RPRD1B: variants seen among roughly 807,000 people sequenced by gnomAD.
RPRD1B encodes the protein regulation of nuclear pre-mRNA domain-containing protein 1B.
In RPRD1B, 11 loss-of-function variants were observed where a neutral mutation model predicts 41.5. The observed-to-expected ratio is 0.27, with a 90% CI of 0.17 to 0.44. The LOEUF is 0.44. Ranked by LOEUF, RPRD1B falls within the 20% of genes least tolerant of loss-of-function variation. The probability of loss-of-function intolerance (pLI) is 1.00; values close to 1 mark genes in which losing one functional copy is unlikely to be tolerated. For synonymous variants in RPRD1B, 158 were observed against 155.6 expected (o/e 1.02, Z -0.12); for missense variants, 248 against 389.9 (o/e 0.64, Z 3.06).
chr20:38,080,344 A>T (rs1053507677), intron 6 of RPRD1B, among the ~76,000 whole-genome samples: 1 of 152,214 alleles, frequency 6.6e-6, no homozygotes, highest in African/African-American at 2.4e-5. Context: ...GTTTTACATT[A>T]AGTCTTGATC....
At chr20:38,052,538 T>G (rs1420631631) in intron 3 of RPRD1B, among the ~76,000 whole-genome samples, 3 of 152,166 alleles carry the variant, frequency 2.0e-5, no homozygotes, top group Non-Finnish European at 2.9e-5. Context: ...TCCTTTATTA[T>G]GCAGGGATGG....
Position 38,066,093 on chromosome 20 carries a change from C to G in RPRD1B, c.668C>G (p.Ala223Gly), listed in dbSNP as rs1383674673. Residue 223 changes from alanine to glycine, a missense_variant, in exon 6 of 7, where the codon GCT becomes GGT. Around this residue, in one of 5 missense-constraint regions of RPRD1B, gnomAD observed 93 missense variants for 167.2 expected, o/e 0.56. Coordinates refer to ENST00000373433, the MANE Select transcript of RPRD1B (RefSeq NM_021215.4). Reference sequence around the variant, plus strand: ...CATTTGTACTTAGACAAAGAGGCAGCTGAACGTCTTTCAAAAACAGTAGAT... The same window carrying G: ...CATTTGTACTTAGACAAAGAGGCAGGTGAACGTCTTTCAAAAACAGTAGAT... ...LLEKITDKEAAERLSKTVDEA... is the reference protein window; with the variant it reads ...LLEKITDKEAGERLSKTVDEA... 2 of 1,613,988 alleles carry G rather than the reference C, an allele frequency of 1.2e-6. No individual in the cohort carries two copies. The highest frequency in any genetic ancestry group is 1.7e-5 in the Admixed American group (1 of 59,996).
intron 3 of RPRD1B, among the ~76,000 whole-genome samples, chr20:38,051,491 A>G (rs956261647): frequency 3.3e-5 from 5 of 152,298 alleles, no homozygotes; most frequent in Non-Finnish European, 7.4e-5. Context: ...TACTCTGTGA[A>G]TTTGGTATTA....
intron 6 of RPRD1B, among the ~76,000 whole-genome samples, chr20:38,086,141 G>T (rs2074559027): frequency 6.6e-6 from 1 of 152,082 alleles, no homozygotes; most frequent in Admixed American, 6.5e-5. Flanking sequence ...TTCTTCTGTT[G>T]GTCCATGGCA....
At chr20:38,073,826 G>A (rs1309239200) in intron 6 of RPRD1B, among the ~76,000 whole-genome samples, 2 of 152,206 alleles carry the variant, frequency 1.3e-5, no homozygotes, top group African/African-American at 4.8e-5. Context: ...GAGGAAGCCA[G>A]TGAGGACCAG....
At chr20:38,080,588 C>T (rs1402664295) in intron 6 of RPRD1B, among the ~76,000 whole-genome samples, 3 of 152,166 alleles carry the variant, frequency 2.0e-5, no homozygotes, top group Non-Finnish European at 4.4e-5. Flanking sequence ...TGCAGTGGCA[C>T]GATCTCGGCT....
chr20:38,035,345 G>A, intron 1 of RPRD1B, among the ~76,000 whole-genome samples: 1 of 152,218 alleles, frequency 6.6e-6, no homozygotes, highest in East Asian at 1.9e-4. Flanking sequence ...TAGCGAAGTG[G>A]CTTTACAAGT....
intron 5 of RPRD1B, among the ~76,000 whole-genome samples, chr20:38,062,950 C>G (rs2074314875): frequency 6.6e-6 from 1 of 150,990 alleles, no homozygotes; most frequent in African/African-American, 2.4e-5. Flanking sequence ...TCCTCCCATC[C>G]TGGCCTCCCA....
intron 6 of RPRD1B, among the ~76,000 whole-genome samples, chr20:38,071,225 C>T (rs561826358): frequency 2.4e-4 from 37 of 152,342 alleles, no homozygotes; most frequent in Non-Finnish European, 4.4e-4. Flanking sequence ...ATTCATATAA[C>T]GTAAATTAAC....
At chr20:38,041,408 G>A (rs2074064783) in intron 2 of RPRD1B, among the ~76,000 whole-genome samples, 1 of 152,176 alleles carries the variant, frequency 6.6e-6, no homozygotes, top group South Asian at 2.1e-4. Context: ...TTCATTGCAG[G>A]ATTTGAAAAG....
At chr20:38,052,302 T>C (rs893617018) in intron 3 of RPRD1B, among the ~76,000 whole-genome samples, 1 of 152,212 alleles carries the variant, frequency 6.6e-6, no homozygotes, top group Non-Finnish European at 1.5e-5. Context: ...GAAGAGGTTT[T>C]TAATATTTTC....
rs746996790 is a variant in RPRD1B at position 38,066,064 on chromosome 20, G to A, written c.656-17G>A. 8.1e-6 allele frequency: 13 copies of A among 1,605,194 alleles called. No homozygotes were observed. In the Admixed American group the frequency reaches 1.5e-4, roughly 19 times the overall value. ...ATTTGTATATTTTCTCTATTTTTTG[G>A]TCTCATTTGTACTTAGACAAAGAGG... is the stretch of plus-strand genomic sequence containing the variant. On this transcript the variant is annotated splice_polypyrimidine_tract_variant and intron_variant, in intron 5 of 6. Transcript: ENST00000373433.
intron 2 of RPRD1B, among the ~76,000 whole-genome samples, chr20:38,044,740 T>C (rs2074104465): frequency 6.6e-6 from 1 of 152,114 alleles, no homozygotes; most frequent in Non-Finnish European, 1.5e-5. Flanking sequence ...CCCTTACCAG[T>C]TAGGAAATGG....
chr20:38,049,724 A>G (rs746503258), intron 3 of RPRD1B: 7 of 470,980 alleles, frequency 1.5e-5, no homozygotes, highest in Non-Finnish European at 2.6e-5. Flanking sequence ...GCTTCTGGTT[A>G]GTTGTGGTTT....
At chr20:38,070,163 A>G (rs141574169) in intron 6 of RPRD1B, 134 of 982,134 alleles carry the variant, frequency 1.4e-4, no homozygotes, top group Middle Eastern at 5.3e-4. Flanking sequence ...TTTAAGTAGA[A>G]TTATGCTTTA....
chr20:38,056,607 GTAAT>G (rs746193595), intron 3 of RPRD1B, among the ~76,000 whole-genome samples: 1 of 152,184 alleles, frequency 6.6e-6, no homozygotes, highest in Non-Finnish European at 1.5e-5. Context: ...GTGGTGCTAA[GTAAT>G]TTGAGTGCAG....
rs2074614044 is a variant in RPRD1B at position 38,091,765 on chromosome 20, T to G, written c.*1890T>G. The G allele has an allele frequency of 3.0e-6, 3 of 985,702 alleles. No homozygotes were observed. In the African/African-American group the frequency reaches 5.2e-5, roughly 17 times the overall value. The allele number at this position is 985,702 out of a possible 1,614,324, so 61.1% of individuals were successfully genotyped here. On this transcript the variant is annotated 3_prime_UTR_variant, in exon 7 of 7. Coordinates refer to ENST00000373433, the MANE Select transcript of RPRD1B (RefSeq NM_021215.4). ...TCCAGCCAAAAGAGGATCGTAGATATTTGCTCTGATCAACTAGATGAAAAT... is the reference window on the plus strand; with the variant it reads ...TCCAGCCAAAAGAGGATCGTAGATAGTTGCTCTGATCAACTAGATGAAAAT...
chr20:38,077,209 C>T (rs2074471417), intron 6 of RPRD1B, among the ~76,000 whole-genome samples: 1 of 152,014 alleles, frequency 6.6e-6, no homozygotes, highest in African/African-American at 2.4e-5. Context: ...TGAGCCACTG[C>T]ACCAGGCCTG....
intron 3 of RPRD1B, among the ~76,000 whole-genome samples, chr20:38,054,437 C>T (rs6022664): frequency 0.24 from 37,220 of 152,054 alleles, 5,745 homozygotes; most frequent in African/African-American, 0.45. Flanking sequence ...TATTTTAAGT[C>T]TTGTAATGCT....
Sources: gnomAD v4.1 joint callset for allele counts (sites outside exome capture counted in the v4.1 genomes callset) on GRCh38, gnomAD v4.1.1 for gene constraint, gnomAD v4.1.1 regional missense constraint, MANE v1.5 for transcripts, NCBI Gene and HGNC (gene_info 2026-07-23, HGNC 2026-07-21) for gene names.